Variants in PDSS2 observed in about 807,000 individuals in gnomAD.
The protein encoded by PDSS2 is all trans-polyprenyl-diphosphate synthase PDSS2.
Under a neutral mutation model 44.5 loss-of-function variants are expected in PDSS2, and 31 were observed. The ratio of observed to expected loss-of-function variants is 0.70; its 90% CI spans 0.52 to 0.94. The LOEUF (loss-of-function observed/expected upper bound fraction) is 0.94. PDSS2 is among the 40% of genes least tolerant of loss of function. The pLI, the probability that PDSS2 is intolerant of heterozygous loss-of-function variation, is 0.00. For missense variants in PDSS2, 452 were observed against 482.2 expected, an observed-to-expected ratio of 0.94 and a Z score of 0.59; for synonymous variants, 157 against 180.3, an observed-to-expected ratio of 0.87 and a Z score of 1.03.
At position 107,197,878 on chromosome 6, in the gene PDSS2, T is replaced by C. The variant is rs148153780; in HGVS notation, c.1009-4024A>G. 1,003 of 471,160 alleles carry C rather than the reference T, an allele frequency of 2.1e-3. 4 individuals carry two copies. The highest frequency in any genetic ancestry group is 0.01 in the Middle Eastern group (31 of 3,078). The allele number at this position is 471,160 out of a possible 1,614,324, so 29.2% of individuals were successfully genotyped here. On this transcript the variant is annotated intron_variant, in intron 6 of 7. Transcript: ENST00000369037. ...GTAGCATTTGTTGAAAGTTAGAAAG[T>C]TGAACTTCTGTACTTGAAGACTGAA...
intron 1 of PDSS2, among the ~76,000 whole-genome samples, chr6:107,423,486 T>C (rs755951114): frequency 1.3e-5 from 2 of 152,170 alleles, no homozygotes; most frequent in East Asian, 1.9e-4. Flanking sequence ...GGTTTTATTG[T>C]TCAGTTGGAA....
At chr6:107,384,811 CT>C (rs1779564000) in intron 1 of PDSS2, among the ~76,000 whole-genome samples, 1 of 152,150 alleles carries the variant, frequency 6.6e-6, no homozygotes, top group Non-Finnish European at 1.5e-5. Flanking sequence ...CATTCTCCCC[CT>C]GGTGCTTTCC....
chr6:107,351,983 C>A lies in PDSS2; in HGVS notation c.297-17651G>T, dbSNP rs112762084. ...CTAATAAGACTTTTTGATAAAGAAACTTCATGAACAGAAACTTAACTTTAT... is the reference window on the plus strand; with the variant it reads ...CTAATAAGACTTTTTGATAAAGAAAATTCATGAACAGAAACTTAACTTTAT... On this transcript the variant is annotated intron_variant, in intron 1 of 7. Coordinates refer to ENST00000369037, the MANE Select transcript of PDSS2 (RefSeq NM_020381.4). Among the ~76,000 whole-genome samples, 1,382 of 152,188 alleles carry A rather than the reference C, an allele frequency of 9.1e-3. 17 individuals are homozygous for A. The highest frequency in any genetic ancestry group is 0.029 in the African/African-American group (1,187 of 41,534).
At chr6:107,313,107 T>G (rs533453401) in intron 2 of PDSS2, among the ~76,000 whole-genome samples, 16 of 152,216 alleles carry the variant, frequency 1.1e-4, no homozygotes, top group Non-Finnish European at 2.1e-4. Flanking sequence ...CTGCCTAATT[T>G]TTTAAATGAT....
chr6:107,385,669 C>G (rs1779588979), intron 1 of PDSS2, among the ~76,000 whole-genome samples: 1 of 152,090 alleles, frequency 6.6e-6, no homozygotes, highest in African/African-American at 2.4e-5. Context: ...CCAACTTTTA[C>G]CACAGGACAT....
rs765529043 is a variant in PDSS2 at position 107,341,878 on chromosome 6, A to T, written c.297-7546T>A. ...TATAATGCCAGGCATCTGCTGTTTTACATGCATATGCTCTAATTCTCACAA... is the reference window on the plus strand; with the variant it reads ...TATAATGCCAGGCATCTGCTGTTTTTCATGCATATGCTCTAATTCTCACAA... On this transcript the variant is annotated intron_variant, in intron 1 of 7. Coordinates refer to ENST00000369037, the MANE Select transcript of PDSS2 (RefSeq NM_020381.4). Among the ~76,000 whole-genome samples the T allele has an allele frequency of 4.9e-4, 75 of 152,188 alleles. 1 individual carries two copies. The highest frequency in any genetic ancestry group is 7.2e-4 in the Admixed American group (11 of 15,278).
intron 6 of PDSS2, among the ~76,000 whole-genome samples, chr6:107,201,200 A>G (rs1251783213): frequency 6.6e-6 from 1 of 152,032 alleles, no homozygotes; most frequent in Non-Finnish European, 1.5e-5. Context: ...GCTTCTTGTC[A>G]ATCCAGGTCA....
At chr6:107,439,848 T>C (rs1188762656) in intron 1 of PDSS2, among the ~76,000 whole-genome samples, 2 of 152,152 alleles carry the variant, frequency 1.3e-5, no homozygotes, top group Non-Finnish European at 2.9e-5. Flanking sequence ...AATATTTAGA[T>C]ACATTTTTGG....
In PDSS2 at chr6:107,377,225, G is replaced by A. The variant is rs201804277; in HGVS notation, c.297-42893C>T. Among the ~76,000 whole-genome samples, 1,200 of 151,668 alleles carry A rather than the reference G, an allele frequency of 7.9e-3. 48 individuals are homozygous for A. The East Asian group carries it at 0.12, about 15-fold the overall frequency. ...CAAACAACCCCATCAAAAAGTGGGC[G>A]AAGGAGATGAACAGACACTTCTCAA... is the stretch of plus-strand genomic sequence containing the variant. On this transcript the variant is annotated intron_variant, in intron 1 of 7. Coordinates refer to ENST00000369037, the MANE Select transcript of PDSS2 (RefSeq NM_020381.4).
intron 3 of PDSS2, among the ~76,000 whole-genome samples, chr6:107,258,736 G>A (rs1775112236): frequency 6.6e-6 from 1 of 152,146 alleles, no homozygotes; most frequent in South Asian, 2.1e-4. Flanking sequence ...CTTGGAGGCG[G>A]AGGTTGCAGT....
At chr6:107,354,695 T>G (rs867444112) in intron 1 of PDSS2, among the ~76,000 whole-genome samples, 8 of 152,336 alleles carry the variant, frequency 5.3e-5, no homozygotes, top group Middle Eastern at 3.4e-3. Flanking sequence ...CAGGGAAAAC[T>G]GGCAGTCTTT....
At chr6:107,292,517 C>T (rs1324892504) in intron 2 of PDSS2, among the ~76,000 whole-genome samples, 1 of 152,080 alleles carries the variant, frequency 6.6e-6, no homozygotes, top group East Asian at 1.9e-4. Context: ...CAAGGAGTCA[C>T]CATATTTATC....
chr6:107,221,735 GGT>G (rs1773616113), intron 4 of PDSS2, among the ~76,000 whole-genome samples: 4 of 152,252 alleles, frequency 2.6e-5, no homozygotes, highest in African/African-American at 9.6e-5. Flanking sequence ...CTTTTCTAAT[GGT>G]GGTGAGACAT....
intron 1 of PDSS2, among the ~76,000 whole-genome samples, chr6:107,369,646 G>T (rs1779071041): frequency 1.3e-5 from 2 of 152,050 alleles, no homozygotes; most frequent in Admixed American, 6.6e-5. Context: ...ACGTTTAACT[G>T]CATCCCTGGC....
intron 1 of PDSS2, among the ~76,000 whole-genome samples, chr6:107,353,035 T>A (rs1451336043): frequency 6.6e-6 from 1 of 152,220 alleles, no homozygotes; most frequent in Non-Finnish European, 1.5e-5. Flanking sequence ...GCACTAGTTA[T>A]TACTATTATC....
chr6:107,259,277 G>A (rs1455180970), intron 3 of PDSS2, among the ~76,000 whole-genome samples: 1 of 152,168 alleles, frequency 6.6e-6, no homozygotes, highest in Non-Finnish European at 1.5e-5. Context: ...TGAAATAATA[G>A]ATGGATGAAT....
intron 7 of PDSS2, among the ~76,000 whole-genome samples, chr6:107,177,120 G>A (rs558101614): frequency 2.3e-4 from 33 of 143,270 alleles, no homozygotes; most frequent in African/African-American, 7.2e-4. Flanking sequence ...GCTGAAACAC[G>A]TAATGTAATT....
intron 1 of PDSS2, among the ~76,000 whole-genome samples, chr6:107,407,297 G>T (rs1265029500): frequency 6.6e-6 from 1 of 152,126 alleles, no homozygotes; most frequent in Non-Finnish European, 1.5e-5. Flanking sequence ...ACAGGGAGAG[G>T]AGCAAATGAG....
intron 1 of PDSS2, among the ~76,000 whole-genome samples, chr6:107,375,556 A>G (rs558953723): frequency 1.3e-5 from 2 of 152,358 alleles, no homozygotes; most frequent in South Asian, 2.1e-4. Flanking sequence ...AAAACAGTTC[A>G]GCCCAGATGT....
Sources: allele counts gnomAD v4.1 joint callset (sites outside exome capture counted in the v4.1 genomes callset), GRCh38; gene constraint gnomAD v4.1.1; transcripts MANE v1.5; gene names NCBI Gene and HGNC (gene_info 2026-07-23, HGNC 2026-07-21).